FADS6: variants seen among roughly 807,000 people sequenced by gnomAD.
The protein encoded by FADS6 is fatty acid desaturase domain family, member 6.
Under a neutral mutation model 31.7 loss-of-function variants are expected in FADS6, and 28 were observed. The observed-to-expected ratio is 0.88, with a 90% confidence interval of 0.66 to 1.21. FADS6 has a LOEUF of 1.21. FADS6 is among the 50% of genes most tolerant of loss of function. The probability of loss-of-function intolerance (pLI) is 0.00; values close to 1 mark genes in which losing one functional copy is unlikely to be tolerated. For missense variants in FADS6, 494 were observed against 504.2 expected (o/e 0.98, Z 0.19); for synonymous variants, 191 against 213.1 (o/e 0.90, Z 0.90).
downstream of FADS6, chr17:74,877,261 C>G (rs2038515179): frequency 6.6e-6 from 1 of 151,914 alleles, no homozygotes; most frequent in Non-Finnish European, 1.5e-5. Context: ...ACAGAACAAA[C>G]TGTTTGAACT....
At position 74,879,530 on chromosome 17, in the gene FADS6, C is replaced by CA. The variant is rs754155839; in HGVS notation, c.833dup (p.Met278IlefsTer8). On this transcript the variant is annotated frameshift_variant, in exon 5 of 6. Coordinates refer to ENST00000612771, the MANE Select transcript of FADS6 (RefSeq NM_178128.6). LOFTEE classifies it high-confidence loss of function. ...CCAGGTTAAGCACCCCCAGGCTCAT[C>CA]ATGTGAATCCGACGGGGCTTGTTGT... 3.0e-5 allele frequency: 49 copies of CA among 1,613,728 alleles called. No individual in the cohort carries two copies. Among genetic ancestry groups the CA allele is most frequent in the Non-Finnish European group, 4.2e-5 (49 of 1,179,864 alleles).
At chr17:74,886,248 A>G (rs2038621337) in intron 2 of FADS6, among the ~76,000 whole-genome samples, 1 of 149,554 alleles carries the variant, frequency 6.7e-6, no homozygotes, top group Admixed American at 6.7e-5. Flanking sequence ...CAAAAAAAAA[A>G]AAAAAAAAGA....
chr17:74,887,126 G>T (rs939229096), intron 2 of FADS6, among the ~76,000 whole-genome samples: 1 of 149,956 alleles, frequency 6.7e-6, no homozygotes, highest in African/African-American at 2.5e-5. Flanking sequence ...GGAGTATATG[G>T]AGTATAGTGA....
chr17:74,891,989 C>T (rs925081342), intron 2 of FADS6, among the ~76,000 whole-genome samples: 2 of 152,154 alleles, frequency 1.3e-5, no homozygotes, highest in Non-Finnish European at 2.9e-5. Flanking sequence ...GAAACTTTTG[C>T]CTTCCTGGGC....
intron 2 of FADS6, among the ~76,000 whole-genome samples, chr17:74,888,150 ACACACG>A (rs1401665444): frequency 4.0e-5 from 5 of 123,646 alleles, no homozygotes; most frequent in African/African-American, 1.9e-4. Flanking sequence ...ACACACACAC[ACACACG>A]CGCGCGCGCG....
intron 2 of FADS6, among the ~76,000 whole-genome samples, chr17:74,890,889 A>G (rs1191055609): frequency 6.6e-6 from 1 of 152,204 alleles, no homozygotes; most frequent in African/African-American, 2.4e-5. Context: ...GGTGGGTATC[A>G]GATTCACCTG....
Position 74,892,612 on chromosome 17 carries a change from G to A in FADS6, c.322C>T (p.Leu108Phe). The change falls in exon 2 of 6, where the codon CTC (leucine) becomes TTC (phenylalanine). Residue 108 changes from leucine (L) to phenylalanine (F), a missense_variant. Physicochemically the swap from Leu to Phe is conservative, Grantham distance 22 (BLOSUM62 0). Transcript: ENST00000612771. Reference protein sequence around the residue: ...ITILGVCHYTLTVKGSHLATH... With the variant: ...ITILGVCHYTFTVKGSHLATH... Reference sequence around the variant, plus strand: ...GCCAGGTGGCTGCCCTTGACAGTGAGTGTGTAGTGGCACACACCCAAGATG... The same window carrying A: ...GCCAGGTGGCTGCCCTTGACAGTGAATGTGTAGTGGCACACACCCAAGATG... 6.2e-7 allele frequency: 1 copy of A among 1,613,420 alleles called. No individual in the cohort carries two copies. Among genetic ancestry groups the A allele is most frequent in the Non-Finnish European group, 8.5e-7 (1 of 1,179,670 alleles).
chr17:74,890,488 C>G (rs1392781238), intron 2 of FADS6, among the ~76,000 whole-genome samples: 1 of 152,220 alleles, frequency 6.6e-6, no homozygotes, highest in Non-Finnish European at 1.5e-5. Context: ...CCTCAGCCCA[C>G]TGCAGTCCAC....
chr17:74,888,154 A>ACGCGCGCGCGCG (rs67402175), intron 2 of FADS6, among the ~76,000 whole-genome samples: 2 of 134,740 alleles, frequency 1.5e-5, no homozygotes, highest in Non-Finnish European at 3.1e-5. Flanking sequence ...ACACACACAC[A>ACGCGCGCGCGCG]CGCGCGCGCG....
downstream of FADS6, among the ~76,000 whole-genome samples, chr17:74,876,937 T>C (rs2038512152): frequency 6.6e-6 from 1 of 152,042 alleles, no homozygotes; most frequent in Admixed American, 6.6e-5. Flanking sequence ...CTGGGGCAGC[T>C]CCCAGCCCTC....
rs760085705 is a variant in FADS6, at chr17:74,878,420, AG to A, written c.1017del (p.Ser340HisfsTer131). On this transcript the variant is annotated frameshift_variant, in exon 6 of 6. Coordinates refer to ENST00000612771, the MANE Select transcript of FADS6 (RefSeq NM_178128.6). LOFTEE classifies it high-confidence loss of function. ...AACAGCTGGAAGCGAGCCAGGTATG[AG>A]TCCTCGTTGTACGGTAGCTGCTTCT... Reference protein sequence around the residue: ...LREKQLPYNEDSYLARFQLFL... With the variant: ...LREKQLPYNEXSYLARFQLFL... 6 of 1,614,026 alleles carry A rather than the reference AG, an allele frequency of 3.7e-6. No homozygotes were observed. Among genetic ancestry groups the A allele is most frequent in the Non-Finnish European group, 5.1e-6 (6 of 1,179,892 alleles).
intron 1 of FADS6, 149 bp downstream of exon 1, chr17:74,893,202 GC>G (rs1162247584): frequency 3.4e-6 from 3 of 893,176 alleles, no homozygotes; most frequent in Non-Finnish European, 4.8e-6. Flanking sequence ...TGGGTGCGGG[GC>G]CCCGACCACC....
intron 2 of FADS6, among the ~76,000 whole-genome samples, chr17:74,889,889 A>AAAAAAAAAAAAAC (rs2038669987): frequency 6.6e-6 from 1 of 150,804 alleles, no homozygotes. Context: ...AAAAAAAAAA[A>AAAAAAAAAAAAAC]AAAAAAGACA....
chr17:74,884,021 G>T (rs1485874321), intron 2 of FADS6, among the ~76,000 whole-genome samples: 3 of 152,174 alleles, frequency 2.0e-5, no homozygotes, highest in African/African-American at 7.2e-5. Flanking sequence ...CGGACCCCCA[G>T]TGGTGCCCAG....
chr17:74,885,978 G>A (rs11652645), intron 2 of FADS6, among the ~76,000 whole-genome samples: 57,289 of 151,926 alleles, frequency 0.38, 12,493 homozygotes, highest in Non-Finnish European at 0.48. Flanking sequence ...AGTGGCTCAC[G>A]CCTGTAATCT....
At chr17:74,891,329 C>T (rs780911645) in intron 2 of FADS6, among the ~76,000 whole-genome samples, 5 of 152,094 alleles carry the variant, frequency 3.3e-5, no homozygotes, top group South Asian at 2.1e-4. Context: ...TGAGCCACCG[C>T]GCGCAGCCTC....
At chr17:74,892,457 G>T in intron 2 of FADS6, 66 bp downstream of exon 2, 2 of 1,539,448 alleles carry the variant, frequency 1.3e-6, no homozygotes, top group South Asian at 2.5e-5. Context: ...CCGCATGCTC[G>T]AACAGAAGAA....
Position 74,879,561 on chromosome 17 carries a change from G to A in FADS6, c.803C>T (p.Ser268Phe). ...IFQHIGLPMF[S>F]RDNKPRRIHM... ...AATCCGACGGGGCTTGTTGTCCCGG[G>A]AGAACATGGGCAGTCCGATGTGCTG... The change falls in exon 5 of 6, where the codon TCC (serine) becomes TTC (phenylalanine). Residue 268 changes from serine (S) to phenylalanine (F), a missense_variant. This residue lies in a region of FADS6 where 454 missense variants were observed against 438.5 expected (regional missense o/e 1.04). Coordinates refer to ENST00000612771, the MANE Select transcript of FADS6 (RefSeq NM_178128.6). 6.2e-7 allele frequency: 1 copy of A among 1,612,806 alleles called. No homozygotes were observed. Among genetic ancestry groups the A allele is most frequent in the Non-Finnish European group, 8.5e-7 (1 of 1,179,760 alleles).
At chr17:74,881,747 A>AT (rs1384591969) in intron 3 of FADS6, among the ~76,000 whole-genome samples, 1 of 149,704 alleles carries the variant, frequency 6.7e-6, no homozygotes, top group South Asian at 2.1e-4. Flanking sequence ...AAAAAAAAAA[A>AT]GAAAGAAAAG....
Sources: gnomAD v4.1 joint callset for allele counts (sites outside exome capture counted in the v4.1 genomes callset) on GRCh38, gnomAD v4.1.1 for gene constraint, gnomAD v4.1.1 regional missense constraint, MANE v1.5 for transcripts, NCBI Gene and HGNC (gene_info 2026-07-23, HGNC 2026-07-21) for gene names.